Variants in TENM2 observed in about 807,000 individuals in gnomAD.
TENM2 encodes teneurin transmembrane protein 2.
Under a neutral mutation model 245.2 loss-of-function variants are expected in TENM2, and 52 were observed. The observed-to-expected ratio is 0.21, with a 90% CI of 0.17 to 0.27. The LOEUF (loss-of-function observed/expected upper bound fraction) is 0.27, where lower values mean the gene tolerates loss of function less well. TENM2 is among the 10% of genes least tolerant of loss of function. The probability of loss-of-function intolerance (pLI) is 1.00; values close to 1 mark genes in which losing one functional copy is unlikely to be tolerated. For synonymous variants in TENM2, 1,363 were observed against 1,438.9 expected, an observed-to-expected ratio of 0.95 and a Z score of 1.19; for missense variants, 3,046 against 3,666.8, an observed-to-expected ratio of 0.83 and a Z score of 4.37.
chr5:167,975,858 A>G (rs559692514), intron 4 of TENM2, among the ~76,000 whole-genome samples: 41 of 151,480 alleles, frequency 2.7e-4, no homozygotes, highest in Non-Finnish European at 4.9e-4. Flanking sequence ...ACAGTGCCCC[A>G]AACTTAAATG....
rs74846161 is a variant in TENM2 at position 168,110,453 on chromosome 5, C to T, written c.1814-7839C>T. Among the ~76,000 whole-genome samples the T allele has an allele frequency of 3.0e-3, 463 of 152,202 alleles. 3 individuals are homozygous for T. The highest frequency in any genetic ancestry group is 0.011 in the African/African-American group (438 of 41,534). ...TATCCCACTTCAAAGATAAAGCAAT[C>T]GAGGCTGAAAGCAAAGTGTCCATAG... On this transcript the variant is annotated intron_variant, in intron 9 of 28. Coordinates refer to ENST00000518659, the Ensembl canonical transcript of TENM2.
chr5:167,112,076 T>C, the TENM2 span, among the ~76,000 whole-genome samples: 1 of 152,166 alleles, frequency 6.6e-6, no homozygotes, highest in African/African-American at 2.4e-5. Context: ...GACATTAAAA[T>C]GATTGACAGT....
chr5:167,000,813 T>C, the TENM2 span, among the ~76,000 whole-genome samples: 68 of 152,186 alleles, frequency 4.5e-4, no homozygotes, highest in African/African-American at 1.6e-3. Flanking sequence ...TCGTAGAAAA[T>C]TGTTTCTTCC....
At chr5:167,927,488 G>A (rs1452193314) in intron 3 of TENM2, among the ~76,000 whole-genome samples, 2 of 152,080 alleles carry the variant, frequency 1.3e-5, no homozygotes, top group Admixed American at 1.3e-4. Context: ...GACACCAACG[G>A]GGCTTATGTC....
intron 5 of TENM2, among the ~76,000 whole-genome samples, chr5:167,995,090 C>T (rs145614547): frequency 1.3e-4 from 20 of 152,190 alleles, no homozygotes; most frequent in Admixed American, 1.1e-3. Flanking sequence ...GTGAGCACCA[C>T]GGGGAGCCCA....
the TENM2 span, among the ~76,000 whole-genome samples, chr5:167,141,546 C>G: frequency 6.6e-6 from 1 of 152,142 alleles, no homozygotes; most frequent in East Asian, 1.9e-4. Context: ...TATGCTGGTA[C>G]AGACATATAG....
At chr5:167,195,158 G>T in the TENM2 span, among the ~76,000 whole-genome samples, 1 of 152,164 alleles carries the variant, frequency 6.6e-6, no homozygotes, top group African/African-American at 2.4e-5. Flanking sequence ...CCAGAAAAGA[G>T]CTCGGTATTC....
chr5:168,237,580 A>G (rs1455531212), intron 25 of TENM2, among the ~76,000 whole-genome samples: 1 of 152,086 alleles, frequency 6.6e-6, no homozygotes. Flanking sequence ...AGTGACACTG[A>G]TGAGTATCAA....
intron 3 of TENM2, among the ~76,000 whole-genome samples, chr5:167,948,178 A>G (rs2151816227): frequency 6.6e-6 from 1 of 152,342 alleles, no homozygotes; most frequent in African/African-American, 2.4e-5. Context: ...AGTCAACACA[A>G]AAGTTGATAT....
chr5:168,082,202 C>G (rs918058184), intron 7 of TENM2, among the ~76,000 whole-genome samples: 2 of 152,184 alleles, frequency 1.3e-5, no homozygotes, highest in Non-Finnish European at 2.9e-5. Flanking sequence ...CACTGATACT[C>G]TTTTTTCCAC....
At chr5:167,865,534 A>G (rs1274196034) in intron 2 of TENM2, among the ~76,000 whole-genome samples, 1 of 152,154 alleles carries the variant, frequency 6.6e-6, no homozygotes, top group Non-Finnish European at 1.5e-5. Flanking sequence ...TTGGCCTCCC[A>G]AAGTGCTGGG....
the TENM2 span, among the ~76,000 whole-genome samples, chr5:167,096,103 TTG>T: frequency 6.6e-6 from 1 of 152,140 alleles, no homozygotes; most frequent in Non-Finnish European, 1.5e-5. Flanking sequence ...TTTGTTGTGT[TTG>T]TGTGTTTCAT....
chr5:167,647,925 G>A (rs56921614), intron 2 of TENM2, among the ~76,000 whole-genome samples: 22 of 152,048 alleles, frequency 1.4e-4, no homozygotes, highest in Middle Eastern at 3.4e-3. Context: ...ACTGCAAGTC[G>A]CCCTGAAGTT....
chr5:168,106,420 A>G (rs1016499358), intron 9 of TENM2, among the ~76,000 whole-genome samples: 4 of 152,204 alleles, frequency 2.6e-5, no homozygotes, highest in African/African-American at 9.7e-5. Flanking sequence ...CGTGCTGAAC[A>G]ACTACATAAT....
the TENM2 span, among the ~76,000 whole-genome samples, chr5:167,113,619 G>A: frequency 1.3e-5 from 2 of 150,162 alleles, no homozygotes; most frequent in African/African-American, 4.9e-5. Context: ...TTTCATCCTG[G>A]GCAACAGAGC....
intron 3 of TENM2, among the ~76,000 whole-genome samples, chr5:167,926,517 C>T (rs541384631): frequency 2.6e-5 from 4 of 152,148 alleles, no homozygotes; most frequent in East Asian, 1.9e-4. Context: ...GCCAGGAGTT[C>T]GAGACCAGCC....
At chr5:167,238,527 A>G in the TENM2 span, among the ~76,000 whole-genome samples, 1 of 152,186 alleles carries the variant, frequency 6.6e-6, no homozygotes, top group South Asian at 2.1e-4. Flanking sequence ...TGACAAGATT[A>G]GGTATTGAGG....
intron 26 of TENM2, among the ~76,000 whole-genome samples, chr5:168,245,169 C>A (rs1766440975): frequency 7.1e-6 from 1 of 141,140 alleles, no homozygotes; most frequent in South Asian, 2.2e-4. Context: ...CCCACCCTCA[C>A]AGAGGGAAGA....
chr5:167,199,829 A>T, the TENM2 span, among the ~76,000 whole-genome samples: 1 of 152,132 alleles, frequency 6.6e-6, no homozygotes, highest in African/African-American at 2.4e-5. Flanking sequence ...TTAGTATTTT[A>T]AATGCTGATG....
Sources: gnomAD v4.1 joint callset for allele counts (sites outside exome capture counted in the v4.1 genomes callset) on GRCh38, gnomAD v4.1.1 for gene constraint, MANE v1.5 for transcripts, NCBI Gene and HGNC (gene_info 2026-07-23, HGNC 2026-07-21) for gene names.